Variants in GPCPD1 observed in about 807,000 individuals in gnomAD.
GPCPD1 encodes the protein glycerophosphocholine phosphodiesterase 1, also known as glycerophosphocholine phosphodiesterase GPCPD1.
In GPCPD1, 29 loss-of-function variants were observed where a neutral mutation model predicts 89.2. That is an observed-to-expected ratio of 0.33 (90% CI 0.24 to 0.44). The LOEUF (loss-of-function observed/expected upper bound fraction) is 0.44, where lower values mean the gene tolerates loss of function less well. GPCPD1 is among the 20% of genes least tolerant of loss of function. The probability of loss-of-function intolerance (pLI) is 1.00; values close to 1 mark genes in which losing one functional copy is unlikely to be tolerated. For missense variants in GPCPD1, 594 were observed against 808.9 expected, an observed-to-expected ratio of 0.73 and a Z score of 3.22; for synonymous variants, 258 against 266.3, an observed-to-expected ratio of 0.97 and a Z score of 0.30.
chr20:5,574,081 T>G, intron 10 of GPCPD1, 112 bp from the exon 11 acceptor site: 1 of 699,648 alleles, frequency 1.4e-6, no homozygotes, highest in East Asian at 2.6e-5. Flanking sequence ...TTCTGTATTC[T>G]GAGGCCAGTT....
At chr20:5,568,821 G>A (rs922943110) in intron 12 of GPCPD1, among the ~76,000 whole-genome samples, 1 of 152,104 alleles carries the variant, frequency 6.6e-6, no homozygotes, top group Non-Finnish European at 1.5e-5. Context: ...GCTGAGGCAG[G>A]AGAATCGCTT....
chr20:5,603,451 G>T (rs897975084), intron 2 of GPCPD1, among the ~76,000 whole-genome samples: 5 of 152,128 alleles, frequency 3.3e-5, no homozygotes, highest in Admixed American at 6.6e-5. Context: ...GGGAGTATGA[G>T]AGTGGGCAAA....
In GPCPD1 at chr20:5,546,061, C is replaced by T. The variant is rs41282124; in HGVS notation, c.*1600G>A. 1.3e-5 allele frequency: 2 copies of T among 152,142 alleles called. No homozygotes were observed. The highest frequency in any genetic ancestry group is 2.9e-5 in the Non-Finnish European group (2 of 68,030). 9.4% of individuals were successfully genotyped at this position (152,142 alleles called of 1,614,324 possible). On this transcript the variant is annotated 3_prime_UTR_variant, in exon 20 of 20. Transcript: ENST00000379019. ...AACTAATTCTTTTTCAGGAGTTTTC[C>T]AAAAGTGCCCAATTCACACCAAAAT...
intron 4 of GPCPD1, among the ~76,000 whole-genome samples, chr20:5,589,837 G>A (rs1350126265): frequency 2.0e-5 from 3 of 152,158 alleles, no homozygotes; most frequent in Non-Finnish European, 1.5e-5. Context: ...GAGTAACATG[G>A]GAGATAGATC....
At position 5,565,166 on chromosome 20, in the gene GPCPD1, G is replaced by A. The variant is rs183996744; in HGVS notation, c.1268-88C>T. 5.8e-5 allele frequency: 43 copies of A among 746,354 alleles called. No homozygotes were observed. The African/African-American group carries it at 6.9e-4, about 12-fold the overall frequency. 46.2% of individuals were successfully genotyped at this position (746,354 alleles called of 1,614,324 possible). On this transcript the variant is annotated intron_variant, in intron 14 of 19. Coordinates refer to ENST00000379019, the MANE Select transcript of GPCPD1 (RefSeq NM_019593.5). ...TAAATCCTTAGTGCCAAAAAAAACA[G>A]GGAAAGAGAGAGAGAGTGTGTGTGT...
intron 2 of GPCPD1, among the ~76,000 whole-genome samples, chr20:5,600,749 T>C (rs1980073964): frequency 6.6e-6 from 1 of 151,990 alleles, no homozygotes; most frequent in Non-Finnish European, 1.5e-5. Flanking sequence ...GGAGAATCAA[T>C]TGAACCCAGG....
intron 6 of GPCPD1, among the ~76,000 whole-genome samples, chr20:5,580,569 C>CA (rs1351783444): frequency 6.0e-5 from 9 of 150,660 alleles, no homozygotes; most frequent in South Asian, 2.1e-4. Context: ...ACTACAAATA[C>CA]AAAAAAAATA....
At chr20:5,551,536 G>A (rs977831716) in intron 19 of GPCPD1, among the ~76,000 whole-genome samples, 2 of 152,144 alleles carry the variant, frequency 1.3e-5, no homozygotes, top group African/African-American at 4.8e-5. Flanking sequence ...ACAAGACCAC[G>A]AAAAGGAGTA....
Position 5,578,661 on chromosome 20 carries a change from A to C in GPCPD1, c.474-50T>G, listed in dbSNP as rs1351837069. The stretch of plus-strand genomic sequence containing the variant: ...ATGCAAGAAGTGGCAGAAAAGAAAA[A>C]CTCATACAAATGTTGCCTAAATTCT... On this transcript the variant is annotated intron_variant, in intron 7 of 19. Transcript: ENST00000379019. The C allele has an allele frequency of 2.6e-6, 3 of 1,153,144 alleles. No individual in the cohort carries two copies. The Admixed American group carries it at 5.6e-5, about 22-fold the overall frequency. The allele number at this position is 1,153,144 out of a possible 1,614,324, so 71.4% of individuals were successfully genotyped here.
intron 19 of GPCPD1, chr20:5,549,601 T>A: frequency 5.2e-6 from 3 of 577,488 alleles, no homozygotes; most frequent in Non-Finnish European, 9.1e-6. Context: ...GATTTAAATT[T>A]AATTTCCATC....
At chr20:5,577,745 A>G (rs1334530998) in intron 8 of GPCPD1, among the ~76,000 whole-genome samples, 1 of 152,026 alleles carries the variant, frequency 6.6e-6, no homozygotes, top group Non-Finnish European at 1.5e-5. Flanking sequence ...GGGTAAGGAA[A>G]CCACTACATA....
chr20:5,551,877 TCA>T (rs1299943012), intron 19 of GPCPD1, among the ~76,000 whole-genome samples: 2 of 152,146 alleles, frequency 1.3e-5, no homozygotes, highest in East Asian at 1.9e-4. Flanking sequence ...GAAAACACAC[TCA>T]CACACTCTCA....
intron 13 of GPCPD1, among the ~76,000 whole-genome samples, chr20:5,566,990 ATTC>A (rs1437656063): frequency 6.6e-6 from 1 of 152,226 alleles, no homozygotes; most frequent in African/African-American, 2.4e-5. Flanking sequence ...GAATATAAAA[ATTC>A]TTCACTAGAT....
intron 7 of GPCPD1, 147 bp downstream of exon 7, chr20:5,579,861 A>G: frequency 2.1e-6 from 1 of 478,880 alleles, no homozygotes; most frequent in South Asian, 3.8e-5. Context: ...AGCGGGGATA[A>G]GTAGTTCACT....
At chr20:5,589,925 C>T (rs968429768) in intron 4 of GPCPD1, among the ~76,000 whole-genome samples, 1 of 152,064 alleles carries the variant, frequency 6.6e-6, no homozygotes, top group Non-Finnish European at 1.5e-5. Context: ...CACAATTTAG[C>T]ATACATAATG....
intron 19 of GPCPD1, chr20:5,548,930 A>C (rs1304169489): frequency 1.9e-6 from 2 of 1,045,798 alleles, no homozygotes; most frequent in East Asian, 6.3e-5. Flanking sequence ...CCAGAACACT[A>C]TATTAAACAT....
rs532239169 is a variant in GPCPD1, at chr20:5,558,033, C to T, written c.1741G>A (p.Val581Ile). 6.3e-5 allele frequency: 100 copies of T among 1,597,202 alleles called. 1 individual carries two copies. The African/African-American group carries it at 8.0e-4, about 13-fold the overall frequency. The stretch of plus-strand genomic sequence containing the variant: ...GTATCATCACCCCAGCAGAATATGA[C>T]TAGTCCCTTAGCTTTTGCCTCTTGA... ...YIQEAKAKGL[V>I]IFCWGDDTND... is the part of the protein sequence containing the mutation. The change falls in exon 19 of 20, where the codon GTC (valine) becomes ATC (isoleucine). Residue 581 changes from valine (V) to isoleucine (I), a missense_variant. Coordinates refer to ENST00000379019, the MANE Select transcript of GPCPD1 (RefSeq NM_019593.5).
chr20:5,555,025 A>G (rs1985668766), intron 19 of GPCPD1, among the ~76,000 whole-genome samples: 1 of 152,226 alleles, frequency 6.6e-6, no homozygotes, highest in Non-Finnish European at 1.5e-5. Flanking sequence ...AGTGGAACCT[A>G]AAGATGTGAC....
intron 8 of GPCPD1, 117 bp from the exon 9 acceptor site, chr20:5,576,095 G>A (rs1378412595): frequency 1.6e-5 from 7 of 442,458 alleles, no homozygotes. Context: ...TATATGAAAT[G>A]TGTATATATA....
Sources: allele counts gnomAD v4.1 joint callset (sites outside exome capture counted in the v4.1 genomes callset), GRCh38; gene constraint gnomAD v4.1.1; transcripts MANE v1.5; gene names NCBI Gene and HGNC (gene_info 2026-07-23, HGNC 2026-07-21).